The following MTPN variants were observed in gnomAD, a reference collection of about 807,000 sequenced individuals.
MTPN encodes the protein myotrophin, also known as granule cell differentiation protein.
In MTPN, 2 loss-of-function variants were observed where a neutral mutation model predicts 13.5. The ratio of observed to expected loss-of-function variants is 0.15; its 90% CI spans 0.06 to 0.47. The LOEUF (loss-of-function observed/expected upper bound fraction) is 0.47, where lower values mean the gene tolerates loss of function less well. Among genes scored for constraint, MTPN ranks in the 20% least tolerant of loss-of-function variants. MTPN has a pLI of 0.97. For missense variants in MTPN, 79 were observed against 137.9 expected (o/e 0.57, Z 2.14); for synonymous variants, 46 against 51.7 (o/e 0.89, Z 0.48).
chr7:135,955,734 G>T (rs1799433550), intron 1 of MTPN, among the ~76,000 whole-genome samples: 1 of 152,002 alleles, frequency 6.6e-6, no homozygotes, highest in Non-Finnish European at 1.5e-5. Flanking sequence ...CATGACCAGT[G>T]GGGTTTATCC....
chr7:135,945,952 G>C (rs1799282071), intron 3 of MTPN, among the ~76,000 whole-genome samples: 1 of 152,014 alleles, frequency 6.6e-6, no homozygotes, highest in Non-Finnish European at 1.5e-5. Flanking sequence ...TTATAAATTA[G>C]GCACAGGAAG....
intron 1 of MTPN, among the ~76,000 whole-genome samples, chr7:135,953,735 G>C (rs1799399100): frequency 6.6e-6 from 1 of 152,082 alleles, no homozygotes; most frequent in African/African-American, 2.4e-5. Context: ...CCAAATTCCA[G>C]CCCACATGTG....
chr7:135,971,965 G>C (rs900108415), intron 1 of MTPN, among the ~76,000 whole-genome samples: 2 of 152,160 alleles, frequency 1.3e-5, no homozygotes, highest in African/African-American at 4.8e-5. Context: ...GACACGTCTT[G>C]AGTAATGACA....
intron 1 of MTPN, among the ~76,000 whole-genome samples, chr7:135,968,770 T>A (rs993670798): frequency 4.0e-5 from 6 of 150,648 alleles, no homozygotes; most frequent in Non-Finnish European, 5.9e-5. Context: ...AGATACAGGT[T>A]AAGTTTTAGG....
chr7:135,929,773 TGG>T lies in MTPN; in HGVS notation c.*151_*152del. 1.4e-6 allele frequency: 1 copy of T among 723,556 alleles called. No individual in the cohort carries two copies. Among genetic ancestry groups the T allele is most frequent in the Non-Finnish European group, 2.3e-6 (1 of 430,184 alleles). 44.8% of individuals were successfully genotyped at this position (723,556 alleles called of 1,614,324 possible). A position where few individuals can be genotyped will look rare whatever the true frequency, so the allele number is the denominator to read the frequency against. ...CTCCTCCAAAACAATTTTTTTTTTC[TGG>T]TAGTCGGATTTGTTATGAATTTCTC... On this transcript the variant is annotated 3_prime_UTR_variant, in exon 4 of 4. Transcript: ENST00000393085.
chr7:135,934,154 A>G (rs181660302), intron 3 of MTPN, among the ~76,000 whole-genome samples: 28 of 152,280 alleles, frequency 1.8e-4, no homozygotes, highest in Non-Finnish European at 1.5e-5. Context: ...TAATTCATGA[A>G]CCAATCTGTT....
intron 3 of MTPN, among the ~76,000 whole-genome samples, chr7:135,933,249 T>C (rs1211445095): frequency 6.6e-6 from 1 of 152,192 alleles, no homozygotes; most frequent in Non-Finnish European, 1.5e-5. Flanking sequence ...ATGCTGATAT[T>C]TGAGCTATAA....
intron 3 of MTPN, among the ~76,000 whole-genome samples, chr7:135,931,067 G>T (rs749493523): frequency 2.6e-5 from 4 of 152,088 alleles, no homozygotes; most frequent in Non-Finnish European, 4.4e-5. Context: ...TTTCTCACCA[G>T]TTCCTGCTGT....
chr7:135,971,731 A>C (rs1348954213), intron 1 of MTPN, among the ~76,000 whole-genome samples: 1 of 152,206 alleles, frequency 6.6e-6, no homozygotes, highest in African/African-American at 2.4e-5. Flanking sequence ...CAAATACATA[A>C]AATTTAATAA....
intron 1 of MTPN, among the ~76,000 whole-genome samples, chr7:135,967,588 A>G (rs1409935129): frequency 2.0e-5 from 3 of 152,188 alleles, no homozygotes; most frequent in African/African-American, 7.2e-5. Flanking sequence ...TATCTATAAA[A>G]TAAGGGAGCT....
At chr7:135,968,281 T>G (rs1022746212) in intron 1 of MTPN, among the ~76,000 whole-genome samples, 5 of 152,130 alleles carry the variant, frequency 3.3e-5, no homozygotes, top group Non-Finnish European at 5.9e-5. Context: ...AAGCTCAAGG[T>G]TACGCTTATA....
chr7:135,969,896 C>T (rs1190265746), intron 1 of MTPN, among the ~76,000 whole-genome samples: 1 of 152,184 alleles, frequency 6.6e-6, no homozygotes, highest in African/African-American at 2.4e-5. Context: ...TCATTTTTCA[C>T]CTATCCAAAT....
chr7:135,929,885 C>G lies in MTPN; in HGVS notation c.*41G>C, dbSNP rs1434416990. On this transcript the variant is annotated 3_prime_UTR_variant, in exon 4 of 4. Transcript: ENST00000393085. The stretch of plus-strand genomic sequence containing the variant: ...ACAGACAGGCAGCAGTGTGAGGCCA[C>G]AGGAGAGTCATTCTTCCGGAGTTAT... 1 of 1,587,814 alleles carries G rather than the reference C, an allele frequency of 6.3e-7. No homozygotes were observed. Among genetic ancestry groups the G allele is most frequent in the Non-Finnish European group, 8.6e-7 (1 of 1,156,196 alleles).
chr7:135,951,877 G>C (rs922461911), intron 1 of MTPN, among the ~76,000 whole-genome samples: 1 of 152,078 alleles, frequency 6.6e-6, no homozygotes, highest in East Asian at 1.9e-4. Context: ...TAAATATAAC[G>C]AAATACATTA....
At chr7:135,964,694 CCT>C (rs1314237645) in intron 1 of MTPN, among the ~76,000 whole-genome samples, 1 of 151,852 alleles carries the variant, frequency 6.6e-6, no homozygotes, top group African/African-American at 2.4e-5. Context: ...ATTCAAACTC[CCT>C]CTCTCTTCTC....
chr7:135,927,247 C>T lies in MTPN; in HGVS notation c.*2679G>A. On this transcript the variant is annotated 3_prime_UTR_variant, in exon 4 of 4. Coordinates refer to ENST00000393085, the MANE Select transcript of MTPN (RefSeq NM_145808.4). ...AGCTTCCACACACTGCACCTACCTA[C>T]TACCTCTCTTCCATGCTTAACTGGG... The T allele has an allele frequency of 6.6e-7, 1 of 1,506,442 alleles. No individual in the cohort carries two copies. The highest frequency in any genetic ancestry group is 8.9e-7 in the Non-Finnish European group (1 of 1,121,574). 93.3% of individuals were successfully genotyped at this position (1,506,442 alleles called of 1,614,324 possible).
chr7:135,974,858 G>C (rs192174686), intron 1 of MTPN, among the ~76,000 whole-genome samples: 1 of 152,180 alleles, frequency 6.6e-6, no homozygotes, highest in African/African-American at 2.4e-5. Context: ...GGACCTGAAA[G>C]TATAAATGGG....
intron 1 of MTPN, 102 bp downstream of exon 1, chr7:135,976,927 T>TCCCCCCCCCCCCCCCCCCC: frequency 2.4e-6 from 1 of 410,734 alleles, no homozygotes; most frequent in South Asian, 1.8e-5. Context: ...AAGTCTCTCC[T>TCCCCCCCCCCCCCCCCCCC]CCCGCCCACC....
intron 1 of MTPN, among the ~76,000 whole-genome samples, chr7:135,975,580 T>G (rs1458034739): frequency 6.6e-6 from 1 of 152,220 alleles, no homozygotes; most frequent in Admixed American, 6.5e-5. Context: ...AGTTAGTACT[T>G]AATCAACTTT....
Sources: gnomAD v4.1 joint callset for allele counts (sites outside exome capture counted in the v4.1 genomes callset) on GRCh38, gnomAD v4.1.1 for gene constraint, MANE v1.5 for transcripts, NCBI Gene and HGNC (gene_info 2026-07-23, HGNC 2026-07-21) for gene names.